The following DOCK2 variants were observed in gnomAD, a reference collection of about 807,000 sequenced individuals.
DOCK2 encodes the protein dedicator of cytokinesis protein 2.
A neutral mutation model predicts 248.9 loss-of-function variants in DOCK2; 87 were observed. The ratio of observed to expected loss-of-function variants is 0.35; its 90% CI spans 0.29 to 0.42. The LOEUF (loss-of-function observed/expected upper bound fraction) is 0.42. Among genes scored for constraint, DOCK2 ranks in the 10% least tolerant of loss-of-function variants. DOCK2 has a pLI of 1.00. For synonymous variants in DOCK2, 805 were observed against 821.6 expected (o/e 0.98, Z 0.35); for missense variants, 1,747 against 2,300.2 (o/e 0.76, Z 4.92).
chr5:169,736,081 C>A (rs1763024829), intron 22 of DOCK2, among the ~76,000 whole-genome samples: 1 of 152,146 alleles, frequency 6.6e-6, no homozygotes. Flanking sequence ...AGGGAATCTG[C>A]CCCCATGATC....
chr5:170,072,574 A>G (rs1278144631), intron 46 of DOCK2, among the ~76,000 whole-genome samples: 1 of 152,228 alleles, frequency 6.6e-6, no homozygotes, highest in East Asian at 1.9e-4. Flanking sequence ...TGGGCCATGC[A>G]CATTTAACCT....
At chr5:169,918,298 G>C (rs1774983802) in intron 27 of DOCK2, among the ~76,000 whole-genome samples, 1 of 152,138 alleles carries the variant, frequency 6.6e-6, no homozygotes, top group East Asian at 1.9e-4. Flanking sequence ...GTTGTGGTTT[G>C]AGTAATAAAT....
intron 22 of DOCK2, among the ~76,000 whole-genome samples, chr5:169,740,829 T>A (rs1763267711): frequency 6.6e-6 from 1 of 152,254 alleles, no homozygotes; most frequent in East Asian, 1.9e-4. Flanking sequence ...ACTGTGTATG[T>A]GTTTTGTTTT....
chr5:169,863,921 G>A (rs1193632732), intron 27 of DOCK2, among the ~76,000 whole-genome samples: 1 of 152,190 alleles, frequency 6.6e-6, no homozygotes, highest in Admixed American at 6.5e-5. Flanking sequence ...GGATGGGAAG[G>A]AAGTGCTTGG....
intron 9 of DOCK2, among the ~76,000 whole-genome samples, chr5:169,694,261 G>C (rs147772332): frequency 3.0e-4 from 46 of 152,352 alleles, no homozygotes; most frequent in Non-Finnish European, 5.0e-4. Flanking sequence ...ACTCGAAGGA[G>C]AATAAACTGT....
At chr5:169,740,411 T>G (rs1472350431) in intron 22 of DOCK2, among the ~76,000 whole-genome samples, 1 of 152,256 alleles carries the variant, frequency 6.6e-6, no homozygotes, top group Non-Finnish European at 1.5e-5. Context: ...ATGTTGAGTT[T>G]GTCTTCTTTT....
rs541920042 is a variant in DOCK2 at position 170,053,353 on chromosome 5, C to T, written c.4214-1952C>T. On this transcript the variant is annotated intron_variant, in intron 41 of 51. Coordinates refer to ENST00000520908, the MANE Select transcript of DOCK2 (RefSeq NM_004946.3). ...GCCCATGCAGTCTCTGTCACAACTA[C>T]TCAGCTCCGCTGTTGTAGTGGGAGA... Among the ~76,000 whole-genome samples, 4 of 152,396 alleles carry T rather than the reference C, an allele frequency of 2.6e-5. No individual in the cohort carries two copies. In the East Asian group the frequency reaches 7.7e-4, roughly 29 times the overall value.
At chr5:169,879,339 G>C (rs990097240) in intron 27 of DOCK2, among the ~76,000 whole-genome samples, 10 of 152,060 alleles carry the variant, frequency 6.6e-5, no homozygotes, top group African/African-American at 2.4e-4. Flanking sequence ...AGAACACAAC[G>C]CAAGTTTGAA....
intron 27 of DOCK2, among the ~76,000 whole-genome samples, chr5:169,929,019 T>C (rs1018606097): frequency 6.6e-6 from 1 of 152,212 alleles, no homozygotes; most frequent in African/African-American, 2.4e-5. Flanking sequence ...CTGTTCATCT[T>C]TGTGCCCTGA....
chr5:170,078,618 G>A (rs1757922387), intron 48 of DOCK2, among the ~76,000 whole-genome samples: 1 of 152,210 alleles, frequency 6.6e-6, no homozygotes, highest in African/African-American at 2.4e-5. Flanking sequence ...TGAAGAGGTT[G>A]AGTGATTTAC....
rs77744047 is a variant in DOCK2, at chr5:169,830,701, C to A, written c.2704-10056C>A. On this transcript the variant is annotated intron_variant, in intron 26 of 51. Transcript: ENST00000520908. ...ATAAAAACCCTTGCAAAGCAACTTA[C>A]AGATCTAAATAAAAACAATGTTTTG... 5.2e-3 allele frequency among the ~76,000 whole-genome samples: 788 copies of A among 152,328 alleles called. 8 individuals carry two copies. The highest frequency in any genetic ancestry group is 0.018 in the African/African-American group (761 of 41,572).
At chr5:169,958,556 C>A (rs1776956505) in intron 27 of DOCK2, among the ~76,000 whole-genome samples, 1 of 148,918 alleles carries the variant, frequency 6.7e-6, no homozygotes, top group Admixed American at 6.7e-5. Context: ...AAATAGAGGA[C>A]AAAAGGGGTG....
At chr5:169,772,114 G>A (rs1308030711) in intron 25 of DOCK2, among the ~76,000 whole-genome samples, 1 of 152,128 alleles carries the variant, frequency 6.6e-6, no homozygotes, top group Non-Finnish European at 1.5e-5. Flanking sequence ...CTGAGGACAG[G>A]GTTGCTGTAG....
At chr5:169,753,397 C>A (rs57479626) in intron 23 of DOCK2, among the ~76,000 whole-genome samples, 2 of 151,506 alleles carry the variant, frequency 1.3e-5, no homozygotes, top group African/African-American at 4.9e-5. Context: ...GTGTTGTTCC[C>A]CACCCTGTGT....
chr5:169,800,165 C>T (rs261591), intron 25 of DOCK2, among the ~76,000 whole-genome samples: 130,073 of 152,198 alleles, frequency 0.85, 55,712 homozygotes, highest in East Asian at 0.98. Context: ...GCCTATGATT[C>T]TATCTACAAT....
chr5:169,683,264 C>G, intron 7 of DOCK2, among the ~76,000 whole-genome samples: 1 of 152,186 alleles, frequency 6.6e-6, no homozygotes, highest in African/African-American at 2.4e-5. Flanking sequence ...GTCTCTCACT[C>G]TATCACCCAG....
rs147537385 is a variant in DOCK2, at chr5:169,958,276, A to G, written c.2800-24792A>G. Among the ~76,000 whole-genome samples the G allele has an allele frequency of 3.8e-4, 58 of 152,236 alleles. 1 individual carries two copies. In the East Asian group the frequency reaches 0.011, roughly 29 times the overall value. Reference sequence around the variant, plus strand: ...ATTTATACTTTACTGCACTGTTATTAATAAGAAGCTTATGAATCTATTAGA... The same window carrying G: ...ATTTATACTTTACTGCACTGTTATTGATAAGAAGCTTATGAATCTATTAGA... On this transcript the variant is annotated intron_variant, in intron 27 of 51. Coordinates refer to ENST00000520908, the MANE Select transcript of DOCK2 (RefSeq NM_004946.3).
chr5:170,011,341 T>C (rs915498495), intron 32 of DOCK2, among the ~76,000 whole-genome samples: 1 of 152,202 alleles, frequency 6.6e-6, no homozygotes, highest in Admixed American at 6.5e-5. Flanking sequence ...TACAAGATCA[T>C]GTAGTGGGTT....
chr5:170,034,332 G>A (rs1173756196), intron 34 of DOCK2, 67 bp from the exon 35 acceptor site: 31 of 1,581,626 alleles, frequency 2.0e-5, no homozygotes, highest in Middle Eastern at 1.7e-4. Flanking sequence ...CCATCCCACC[G>A]CCCACTGGCC....
Sources: gnomAD v4.1 joint callset for allele counts (sites outside exome capture counted in the v4.1 genomes callset) on GRCh38, gnomAD v4.1.1 for gene constraint, MANE v1.5 for transcripts, NCBI Gene and HGNC (gene_info 2026-07-23, HGNC 2026-07-21) for gene names.